ACSL4: variants seen among roughly 807,000 people sequenced by gnomAD.
The protein encoded by ACSL4 is acyl-CoA synthetase long chain family member 4, also known as long-chain-fatty-acid--CoA ligase 4.
Under a neutral mutation model 49.1 loss-of-function variants are expected in ACSL4, and 9 were observed. The ratio of observed to expected loss-of-function variants is 0.18; its 90% CI spans 0.11 to 0.32. ACSL4 has a LOEUF of 0.32. ACSL4 is among the 10% of genes least tolerant of loss of function. The pLI, the probability that ACSL4 is intolerant of heterozygous loss-of-function variation, is 1.00. For synonymous variants in ACSL4, 191 were observed against 170.3 expected (o/e 1.12, Z -0.95); for missense variants, 333 against 493.7 (o/e 0.67, Z 3.08).
At chrX:109,645,142 G>A (rs1285645095) in intron 15 of ACSL4, among the ~76,000 whole-genome samples, 3 of 113,276 alleles carry the variant, frequency 2.6e-5, no homozygotes, top group Non-Finnish European at 5.6e-5. Flanking sequence ...CAAAGCAGCT[G>A]GGAAGCTCCA....
chrX:109,645,066 A>G (rs1291163044), intron 15 of ACSL4, among the ~76,000 whole-genome samples: 1 of 112,970 alleles, frequency 8.9e-6, no homozygotes, highest in Non-Finnish European at 1.9e-5. Flanking sequence ...GTCTGAGATC[A>G]AACTGCAAGG....
intron 6 of ACSL4, among the ~76,000 whole-genome samples, chrX:109,679,654 A>C (rs1924018020): frequency 8.9e-6 from 1 of 112,534 alleles, no homozygotes. Context: ...GCTTCTGCCC[A>C]CTTTTAAGTA....
At chrX:109,715,374 C>T in intron 1 of ACSL4, among the ~76,000 whole-genome samples, 1 of 111,272 alleles carries the variant, frequency 9.0e-6, no homozygotes, top group Non-Finnish European at 1.9e-5. Flanking sequence ...CACAGTGGCT[C>T]ATGCTTGTAA....
intron 15 of ACSL4, among the ~76,000 whole-genome samples, chrX:109,651,812 T>C (rs776305360): frequency 8.9e-6 from 1 of 112,082 alleles, no homozygotes; most frequent in African/African-American, 3.2e-5. Context: ...AAAACAATCT[T>C]AGTTAAATTC....
chrX:109,693,148 GA>G (rs980160820), intron 2 of ACSL4, among the ~76,000 whole-genome samples: 1 of 111,241 alleles, frequency 9.0e-6, no homozygotes, highest in African/African-American at 3.3e-5. Flanking sequence ...CAATATGTCA[GA>G]CTGTTAATAA....
chrX:109,679,192 G>GA (rs1259773008), intron 6 of ACSL4, among the ~76,000 whole-genome samples: 3 of 111,950 alleles, frequency 2.7e-5, no homozygotes, highest in East Asian at 5.6e-4. Context: ...GCCCCTGATT[G>GA]AAAACCACTG....
At chrX:109,669,231 A>G in intron 9 of ACSL4, 58 bp from the exon 10 acceptor site, 1 of 935,815 alleles carries the variant, frequency 1.1e-6, no homozygotes, top group Admixed American at 2.3e-5. Flanking sequence ...TCTTTAGTTG[A>G]AGATACCTTA....
chrX:109,716,761 A>G (rs1927149377), intron 1 of ACSL4, among the ~76,000 whole-genome samples: 1 of 112,218 alleles, frequency 8.9e-6, no homozygotes, highest in South Asian at 3.7e-4. Flanking sequence ...GCCCAAGCAG[A>G]GCAGGAGTCT....
intron 1 of ACSL4, among the ~76,000 whole-genome samples, chrX:109,726,327 G>A (rs930911435): frequency 2.7e-5 from 3 of 111,869 alleles, no homozygotes; most frequent in African/African-American, 6.5e-5. Flanking sequence ...GGAGGCTAAG[G>A]CAGGAGAATT....
intron 15 of ACSL4, among the ~76,000 whole-genome samples, chrX:109,645,332 G>A (rs1374188682): frequency 8.9e-6 from 1 of 112,350 alleles, no homozygotes; most frequent in Non-Finnish European, 1.9e-5. Flanking sequence ...TCTGAGAATG[G>A]GCAGACTGCC....
At chrX:109,646,994 C>T (rs1250163362) in intron 15 of ACSL4, among the ~76,000 whole-genome samples, 1 of 111,706 alleles carries the variant, frequency 9.0e-6, no homozygotes, top group Non-Finnish European at 1.9e-5. Context: ...ATATATGCAC[C>T]TAATACAGGA....
intron 15 of ACSL4, among the ~76,000 whole-genome samples, chrX:109,645,449 G>T (rs1464548400): frequency 2.7e-5 from 3 of 112,015 alleles, no homozygotes; most frequent in African/African-American, 9.8e-5. Flanking sequence ...CAACAGACCT[G>T]CAGCTGAGGG....
At chrX:109,697,712 G>C (rs1243446230) in intron 1 of ACSL4, among the ~76,000 whole-genome samples, 1 of 29,753 alleles carries the variant, frequency 3.4e-5, no homozygotes, top group Non-Finnish European at 9.5e-5. Flanking sequence ...TATTGACATG[G>C]GGGGGGGGGC....
chrX:109,718,206 C>T (rs1165720578), intron 1 of ACSL4, among the ~76,000 whole-genome samples: 5 of 112,396 alleles, frequency 4.4e-5, no homozygotes, highest in Non-Finnish European at 7.5e-5. Flanking sequence ...CTTAATGTTA[C>T]AATTTGCTAG....
intron 1 of ACSL4, among the ~76,000 whole-genome samples, chrX:109,730,423 C>T (rs753635958): frequency 1.4e-4 from 16 of 111,913 alleles, no homozygotes; most frequent in Non-Finnish European, 3.0e-4. Flanking sequence ...TCATCTCTTC[C>T]TCCCCTATGG....
intron 9 of ACSL4, among the ~76,000 whole-genome samples, chrX:109,671,050 G>A (rs1335273268): frequency 1.8e-5 from 2 of 112,004 alleles, no homozygotes; most frequent in East Asian, 2.8e-4. Flanking sequence ...CCGCCACCCC[G>A]TCTAGGAAGT....
chrX:109,718,544 C>T (rs187911594), intron 1 of ACSL4, among the ~76,000 whole-genome samples: 1 of 111,834 alleles, frequency 8.9e-6, no homozygotes, highest in East Asian at 2.8e-4. Flanking sequence ...TGCTTGAGCT[C>T]ACAAGTTGGA....
chrX:109,654,926 GAGA>G (rs1246763840), intron 15 of ACSL4, among the ~76,000 whole-genome samples: 1 of 111,865 alleles, frequency 8.9e-6, no homozygotes. Context: ...AGGCTGAAAA[GAGA>G]AGGATTCAGT....
intron 12 of ACSL4, 95 bp downstream of exon 12, chrX:109,665,325 T>C (rs1922541233): frequency 1.2e-6 from 1 of 809,688 alleles, no homozygotes; most frequent in Non-Finnish European, 1.9e-6. Context: ...CAGAGAATTA[T>C]TTGCTTCCCC....
Sources: allele counts gnomAD v4.1 joint callset (sites outside exome capture counted in the v4.1 genomes callset), GRCh38; gene constraint gnomAD v4.1.1; transcripts MANE v1.5; gene names NCBI Gene and HGNC (gene_info 2026-07-23, HGNC 2026-07-21).